NAV3: variants seen among roughly 807,000 people sequenced by gnomAD.
NAV3 encodes neuron navigator 3, also known as pore membrane and/or filament interacting like protein 1.
Under a neutral mutation model 244.7 loss-of-function variants are expected in NAV3, and 87 were observed. The ratio of observed to expected loss-of-function variants is 0.36; its 90% CI spans 0.30 to 0.42. NAV3 has a LOEUF of 0.42. NAV3 is among the 20% of genes least tolerant of loss of function. The pLI is 1.00. For synonymous variants in NAV3, 1,126 were observed against 1,042.2 expected, an observed-to-expected ratio of 1.08 and a Z score of -1.55; for missense variants, 2,663 against 2,893.3, an observed-to-expected ratio of 0.92 and a Z score of 1.83.
At chr12:78,154,193 A>G (rs1957186954) in intron 22 of NAV3, among the ~76,000 whole-genome samples, 1 of 144,442 alleles carries the variant, frequency 6.9e-6, no homozygotes, top group Admixed American at 7.2e-5. Flanking sequence ...AAAATACTAT[A>G]TTATATATAC....
chr12:77,744,965 CT>C (rs1278007670), intron 2 of NAV3, among the ~76,000 whole-genome samples: 2 of 151,860 alleles, frequency 1.3e-5, no homozygotes, highest in Non-Finnish European at 2.9e-5. Flanking sequence ...TTGTTTGGTA[CT>C]AGATAACTCT....
chr12:77,585,626 A>G (rs779892807), intron 2 of NAV3, among the ~76,000 whole-genome samples: 1 of 152,168 alleles, frequency 6.6e-6, no homozygotes, highest in Non-Finnish European at 1.5e-5. Flanking sequence ...CCTTGCATGT[A>G]TAGTTCACAG....
At chr12:77,741,781 G>A (rs965862511) in intron 2 of NAV3, among the ~76,000 whole-genome samples, 1 of 152,094 alleles carries the variant, frequency 6.6e-6, no homozygotes, top group African/African-American at 2.4e-5. Context: ...TTACAAATGA[G>A]TGTGATGACA....
At chr12:78,093,842 CT>C (rs1954093958) in intron 12 of NAV3, among the ~76,000 whole-genome samples, 1 of 150,824 alleles carries the variant, frequency 6.6e-6, no homozygotes, top group African/African-American at 2.4e-5. Context: ...ACTTTTTTTT[CT>C]TTTTTAGAGA....
At chr12:77,931,939 ATAGTTGT>A (rs1163596499) in intron 1 of NAV3, among the ~76,000 whole-genome samples, 3 of 151,980 alleles carry the variant, frequency 2.0e-5, no homozygotes, top group Non-Finnish European at 4.4e-5. Flanking sequence ...TGTGATGCAC[ATAGTTGT>A]TAATGTCTTT....
chr12:78,162,790 A>G (rs1424805434), intron 23 of NAV3, among the ~76,000 whole-genome samples: 1 of 149,744 alleles, frequency 6.7e-6, no homozygotes, highest in African/African-American at 2.5e-5. Context: ...TGAACCTGGG[A>G]GGTGGAGGTT....
chr12:77,874,211 A>G (rs77145192), intron 1 of NAV3, among the ~76,000 whole-genome samples: 13,990 of 151,684 alleles, frequency 0.092, 893 homozygotes, highest in Non-Finnish European at 0.13. Flanking sequence ...TATTCTTTCT[A>G]TTTATTTTTA....
intron 12 of NAV3, among the ~76,000 whole-genome samples, chr12:78,111,328 A>G (rs192309728): frequency 7.1e-4 from 108 of 152,264 alleles, no homozygotes; most frequent in African/African-American, 2.4e-3. Flanking sequence ...ATACTACTAT[A>G]AGAACCACTT....
At chr12:78,023,759 C>T (rs1265174477) in intron 9 of NAV3, among the ~76,000 whole-genome samples, 1 of 152,180 alleles carries the variant, frequency 6.6e-6, no homozygotes, top group Non-Finnish European at 1.5e-5. Context: ...AGATGACTAT[C>T]ACAGAGAAAT....
intron 5 of NAV3, among the ~76,000 whole-genome samples, chr12:77,970,594 T>A (rs1403761313): frequency 1.3e-5 from 2 of 152,170 alleles, no homozygotes; most frequent in African/African-American, 4.8e-5. Context: ...ATGGGGGATA[T>A]TTTTTATTAT....
chr12:77,968,458 A>T (rs1478542573), intron 4 of NAV3, 61 bp from the exon 5 acceptor site: 2 of 1,310,564 alleles, frequency 1.5e-6, no homozygotes, highest in African/African-American at 2.9e-5. Context: ...TGCATCTAGA[A>T]TTTGTTAAAA....
chr12:78,188,822 A>G (rs760596316), intron 33 of NAV3, 45 bp downstream of exon 33: 2 of 1,586,918 alleles, frequency 1.3e-6, no homozygotes, highest in Non-Finnish European at 1.7e-6. Context: ...AATTTTTAGC[A>G]ACATTTTATT....
chr12:77,590,190 T>C (rs535160963), intron 2 of NAV3, among the ~76,000 whole-genome samples: 1 of 152,322 alleles, frequency 6.6e-6, no homozygotes, highest in Admixed American at 6.5e-5. Flanking sequence ...AAATTTGCAC[T>C]CAGCACTTTT....
At chr12:77,901,483 G>T (rs1011503085) in intron 1 of NAV3, among the ~76,000 whole-genome samples, 1 of 152,148 alleles carries the variant, frequency 6.6e-6, no homozygotes, top group Admixed American at 6.5e-5. Flanking sequence ...GCTGAGGCGG[G>T]TGGATCACCT....
chr12:77,910,410 C>T (rs1424699663), intron 1 of NAV3, among the ~76,000 whole-genome samples: 3 of 152,036 alleles, frequency 2.0e-5, no homozygotes, highest in South Asian at 2.1e-4. Flanking sequence ...GGCACCAAGC[C>T]GTTCAGTAGG....
chr12:77,699,646 A>G (rs1875472134), intron 2 of NAV3, among the ~76,000 whole-genome samples: 1 of 151,914 alleles, frequency 6.6e-6, no homozygotes, highest in South Asian at 2.1e-4. Flanking sequence ...CTCATCTGGA[A>G]CTCAACCAGA....
At chr12:78,120,771 A>AGT in intron 15 of NAV3, among the ~76,000 whole-genome samples, 1 of 152,108 alleles carries the variant, frequency 6.6e-6, no homozygotes, top group Non-Finnish European at 1.5e-5. Context: ...AAAATGGTAG[A>AGT]GTGTGGTTTA....
At chr12:78,168,109 A>G (rs929289697) in intron 23 of NAV3, among the ~76,000 whole-genome samples, 1 of 151,662 alleles carries the variant, frequency 6.6e-6, no homozygotes, top group Non-Finnish European at 1.5e-5. Flanking sequence ...TATTTACTTT[A>G]TTCCTGTGTT....
chr12:77,728,747 C>A (rs1456252247), intron 2 of NAV3, among the ~76,000 whole-genome samples: 1 of 151,794 alleles, frequency 6.6e-6, no homozygotes, highest in African/African-American at 2.4e-5. Flanking sequence ...ATATAGTTGA[C>A]CCTGGAATAG....
Sources: gnomAD v4.1 joint callset for allele counts (sites outside exome capture counted in the v4.1 genomes callset) on GRCh38, gnomAD v4.1.1 for gene constraint, MANE v1.5 for transcripts, NCBI Gene and HGNC (gene_info 2026-07-23, HGNC 2026-07-21) for gene names.